The following AKAP6 variants were observed in gnomAD, a reference collection of about 807,000 sequenced individuals.
The protein encoded by AKAP6 is A-kinase anchor protein 6.
Under a neutral mutation model 188.5 loss-of-function variants are expected in AKAP6, and 58 were observed. The observed-to-expected ratio is 0.31, with a 90% CI of 0.25 to 0.38. The LOEUF is 0.38. Among genes scored for constraint, AKAP6 ranks in the 10% least tolerant of loss-of-function variants. AKAP6 has a pLI of 1.00. For synonymous variants in AKAP6, 989 were observed against 998.6 expected (o/e 0.99, Z 0.18); for missense variants, 2,710 against 2,740.0 (o/e 0.99, Z 0.24).
intron 2 of AKAP6, among the ~76,000 whole-genome samples, chr14:32,461,630 G>A (rs553056320): frequency 5.1e-4 from 78 of 152,190 alleles, no homozygotes; most frequent in African/African-American, 1.9e-3. Context: ...GGAAAAACCA[G>A]TGCAAAAACC....
At chr14:32,697,300 G>C (rs888080000) in intron 9 of AKAP6, among the ~76,000 whole-genome samples, 1 of 152,154 alleles carries the variant, frequency 6.6e-6, no homozygotes, top group African/African-American at 2.4e-5. Context: ...AGCAAATGGG[G>C]ACATTTTATT....
At chr14:32,598,039 C>T (rs1273831577) in intron 5 of AKAP6, among the ~76,000 whole-genome samples, 1 of 152,114 alleles carries the variant, frequency 6.6e-6, no homozygotes, top group African/African-American at 2.4e-5. Flanking sequence ...CTTTATATTC[C>T]CTAAATCTCT....
intron 1 of AKAP6, among the ~76,000 whole-genome samples, chr14:32,431,205 TC>T (rs1253644418): frequency 5.3e-5 from 8 of 152,214 alleles, no homozygotes; most frequent in African/African-American, 1.9e-4. Context: ...TTTATCCCTC[TC>T]AGTGAAATTT....
At chr14:32,418,758 A>G (rs563472319) in intron 1 of AKAP6, among the ~76,000 whole-genome samples, 2 of 152,222 alleles carry the variant, frequency 1.3e-5, no homozygotes, top group South Asian at 4.1e-4. Context: ...GTTGCTATTT[A>G]TTTCATTGAG....
At chr14:32,549,495 G>A (rs1331052188) in intron 4 of AKAP6, among the ~76,000 whole-genome samples, 1 of 152,184 alleles carries the variant, frequency 6.6e-6, no homozygotes, top group Non-Finnish European at 1.5e-5. Context: ...TGGTTGGAAG[G>A]TTTGTCATCA....
chr14:32,597,067 T>C (rs1885734737), intron 5 of AKAP6, among the ~76,000 whole-genome samples: 1 of 152,206 alleles, frequency 6.6e-6, no homozygotes. Context: ...TCAGATTATC[T>C]TTTTCCTAAT....
chr14:32,603,926 G>C (rs1886034913), intron 7 of AKAP6, among the ~76,000 whole-genome samples: 1 of 151,850 alleles, frequency 6.6e-6, no homozygotes, highest in African/African-American at 2.4e-5. Flanking sequence ...AAAAAAATAA[G>C]AATACATTTA....
chr14:32,497,211 G>T (rs1303525647), intron 2 of AKAP6, among the ~76,000 whole-genome samples: 2 of 152,112 alleles, frequency 1.3e-5, no homozygotes, highest in Non-Finnish European at 2.9e-5. Flanking sequence ...TTTCTAGAGT[G>T]AAATCTGAAG....
intron 1 of AKAP6, among the ~76,000 whole-genome samples, chr14:32,405,688 T>A: frequency 2.7e-5 from 1 of 37,396 alleles, no homozygotes; most frequent in East Asian, 1.5e-3. Flanking sequence ...TCCCCCATAC[T>A]GTTCTTGTGA....
At chr14:32,647,015 T>TC (rs1270912003) in intron 7 of AKAP6, among the ~76,000 whole-genome samples, 2 of 152,270 alleles carry the variant, frequency 1.3e-5, no homozygotes, top group East Asian at 3.9e-4. Context: ...TGAAAGTATT[T>TC]CCATATGCAT....
chr14:32,813,291 T>A (rs1054567514), intron 12 of AKAP6, among the ~76,000 whole-genome samples: 1 of 152,038 alleles, frequency 6.6e-6, no homozygotes, highest in African/African-American at 2.4e-5. Context: ...TTTCTCCAGG[T>A]ACCTTACCCA....
intron 2 of AKAP6, among the ~76,000 whole-genome samples, chr14:32,511,372 G>GTT (rs11365498): frequency 3.7e-5 from 4 of 109,342 alleles, no homozygotes; most frequent in Non-Finnish European, 3.8e-5. Context: ...TACCTTCTTG[G>GTT]TTTTTTTTTT....
At chr14:32,671,151 C>G (rs1792199096) in intron 7 of AKAP6, among the ~76,000 whole-genome samples, 1 of 152,044 alleles carries the variant, frequency 6.6e-6, no homozygotes, top group African/African-American at 2.4e-5. Flanking sequence ...TTTTAAGTAG[C>G]AGGTCAGGGA....
chr14:32,368,103 G>GTC lies in AKAP6; in HGVS notation c.-35+38712_-35+38713dup, dbSNP rs141495689. The stretch of plus-strand genomic sequence containing the variant: ...CATCCTTCATTTCTTCCCTCCCTCT[G>GTC]TCTCTCTCTCTCTCTCTCATCTCAA... On this transcript the variant is annotated intron_variant, in intron 1 of 13. Transcript: ENST00000280979. Among the ~76,000 whole-genome samples, 594 of 149,508 alleles carry GTC rather than the reference G, an allele frequency of 4.0e-3. 3 individuals carry two copies. The highest frequency in any genetic ancestry group is 0.014 in the African/African-American group (559 of 40,814).
chr14:32,658,657 T>A (rs997560853), intron 7 of AKAP6, among the ~76,000 whole-genome samples: 2 of 151,882 alleles, frequency 1.3e-5, no homozygotes, highest in Admixed American at 6.6e-5. Flanking sequence ...AACTTTTGAT[T>A]TGCATCTAGT....
At chr14:32,355,316 T>C (rs1887443872) in intron 1 of AKAP6, among the ~76,000 whole-genome samples, 1 of 152,180 alleles carries the variant, frequency 6.6e-6, no homozygotes, top group South Asian at 2.1e-4. Flanking sequence ...TGTTGCAGTG[T>C]TTTGGTTCTT....
intron 2 of AKAP6, among the ~76,000 whole-genome samples, chr14:32,435,073 A>G (rs1890336812): frequency 6.6e-6 from 1 of 152,242 alleles, no homozygotes; most frequent in African/African-American, 2.4e-5. Flanking sequence ...GATTTGACTC[A>G]GTCTGTGAAA....
intron 4 of AKAP6, among the ~76,000 whole-genome samples, chr14:32,548,797 G>A (rs919878440): frequency 1.1e-4 from 16 of 152,112 alleles, no homozygotes; most frequent in South Asian, 8.3e-4. Context: ...TTTCTCCTTC[G>A]CCGGGAAACT....
At chr14:32,765,861 A>G (rs1220217435) in intron 11 of AKAP6, among the ~76,000 whole-genome samples, 1 of 152,206 alleles carries the variant, frequency 6.6e-6, no homozygotes, top group East Asian at 1.9e-4. Flanking sequence ...CTCTGATTGT[A>G]TAATCATTTA....
Sources: gnomAD v4.1 joint callset for allele counts (sites outside exome capture counted in the v4.1 genomes callset) on GRCh38, gnomAD v4.1.1 for gene constraint, MANE v1.5 for transcripts, NCBI Gene and HGNC (gene_info 2026-07-23, HGNC 2026-07-21) for gene names.